Variants in ZFYVE9 observed in about 807,000 individuals in gnomAD.
ZFYVE9 encodes the protein zinc finger FYVE domain-containing protein 9.
A neutral mutation model predicts 126.7 loss-of-function variants in ZFYVE9; 43 were observed. The observed-to-expected ratio is 0.34, with a 90% CI of 0.27 to 0.44. The LOEUF is 0.44. Among genes scored for constraint, ZFYVE9 ranks in the 20% least tolerant of loss-of-function variants. The pLI, the probability that ZFYVE9 is intolerant of heterozygous loss-of-function variation, is 1.00. For synonymous variants in ZFYVE9, 521 were observed against 597.4 expected, an observed-to-expected ratio of 0.87 and a Z score of 1.87; for missense variants, 1,476 against 1,697.0, an observed-to-expected ratio of 0.87 and a Z score of 2.29.
intron 1 of ZFYVE9, among the ~76,000 whole-genome samples, chr1:52,157,839 T>G (rs1644417865): frequency 6.6e-6 from 1 of 152,186 alleles, no homozygotes; most frequent in African/African-American, 2.4e-5. Context: ...CCCCTATTGC[T>G]ATCAATGAGC....
At chr1:52,262,102 T>G (rs1645584985) in intron 4 of ZFYVE9, among the ~76,000 whole-genome samples, 1 of 152,194 alleles carries the variant, frequency 6.6e-6, no homozygotes, top group Non-Finnish European at 1.5e-5. Context: ...TGGAGCCTGG[T>G]AAGTCCAAGA....
rs74902103 is a variant in ZFYVE9, at chr1:52,318,811, C to T, written c.3439-13957C>T. Among the ~76,000 whole-genome samples, 710 of 152,134 alleles carry T rather than the reference C, an allele frequency of 4.7e-3. 3 individuals are homozygous for T. The highest frequency in any genetic ancestry group is 0.016 in the African/African-American group (671 of 41,496). On this transcript the variant is annotated intron_variant, in intron 13 of 18. Coordinates refer to ENST00000287727, the MANE Select transcript of ZFYVE9 (RefSeq NM_004799.4). ...TGAATATAGAAATTTAATAACGATA[C>T]AGTAGGCCAGGTGTGGTGGCTCACA...
chr1:52,225,408 C>T (rs779686072), intron 2 of ZFYVE9, among the ~76,000 whole-genome samples: 17 of 152,164 alleles, frequency 1.1e-4, no homozygotes, highest in African/African-American at 3.4e-4. Context: ...AAAAGAAACC[C>T]GCATTTAGAA....
intron 1 of ZFYVE9, among the ~76,000 whole-genome samples, chr1:52,210,165 A>G (rs1189081134): frequency 1.3e-5 from 2 of 152,182 alleles, no homozygotes; most frequent in East Asian, 3.8e-4. Flanking sequence ...TTATGAGACA[A>G]GTGGATGATA....
chr1:52,218,620 G>T (rs1201984233), intron 2 of ZFYVE9, among the ~76,000 whole-genome samples: 1 of 152,162 alleles, frequency 6.6e-6, no homozygotes, highest in Non-Finnish European at 1.5e-5. Flanking sequence ...TTGCACAAGC[G>T]TAACAATCTG....
Position 52,326,730 on chromosome 1 carries a change from G to A in ZFYVE9, c.3439-6038G>A, listed in dbSNP as rs1223936927. Among the ~76,000 whole-genome samples, 3 of 151,454 alleles carry A rather than the reference G, an allele frequency of 2.0e-5. 1 individual carries two copies. Among genetic ancestry groups the A allele is most frequent in the Admixed American group, 2.0e-4 (3 of 15,210 alleles). ...AAAAAAAAAATAGCTGGACATGGTGGCACATGCCTGTGCCTGTAATCCCAG... is the reference window on the plus strand; with the variant it reads ...AAAAAAAAAATAGCTGGACATGGTGACACATGCCTGTGCCTGTAATCCCAG... On this transcript the variant is annotated intron_variant, in intron 13 of 18. Transcript: ENST00000287727.
chr1:52,147,726 A>G (rs675401), intron 1 of ZFYVE9, among the ~76,000 whole-genome samples: 93 of 152,312 alleles, frequency 6.1e-4, no homozygotes, highest in African/African-American at 2.1e-3. Context: ...TTGGGTATTT[A>G]TAGGGATGGA....
chr1:52,219,446 G>A (rs1557463456), intron 2 of ZFYVE9, among the ~76,000 whole-genome samples: 1 of 152,058 alleles, frequency 6.6e-6, no homozygotes, highest in Non-Finnish European at 1.5e-5. Flanking sequence ...TGGCCGTTCA[G>A]ATTGCTGTCT....
At chr1:52,160,689 C>G in intron 1 of ZFYVE9, 1 of 509,632 alleles carries the variant, frequency 2.0e-6, no homozygotes, top group South Asian at 3.7e-5. Flanking sequence ...GCTGGGATTA[C>G]AGGCGTGAGC....
chr1:52,230,397 A>G (rs921838404), intron 2 of ZFYVE9, among the ~76,000 whole-genome samples: 3 of 151,940 alleles, frequency 2.0e-5, no homozygotes, highest in Non-Finnish European at 4.4e-5. Flanking sequence ...GGAGGTGAAC[A>G]ACACACACCA....
At chr1:52,319,233 A>G (rs1279064760) in intron 13 of ZFYVE9, among the ~76,000 whole-genome samples, 4 of 152,234 alleles carry the variant, frequency 2.6e-5, no homozygotes, top group African/African-American at 9.6e-5. Flanking sequence ...TATAATATTT[A>G]TGGATTGGTA....
chr1:52,274,982 A>G (rs1354563195), intron 8 of ZFYVE9, among the ~76,000 whole-genome samples: 3 of 152,338 alleles, frequency 2.0e-5, no homozygotes, highest in Non-Finnish European at 4.4e-5. Context: ...TGTGAAGAGC[A>G]CTGAATTTAA....
intron 4 of ZFYVE9, among the ~76,000 whole-genome samples, chr1:52,250,787 G>A (rs912325583): frequency 2.0e-5 from 3 of 150,932 alleles, no homozygotes; most frequent in East Asian, 3.9e-4. Flanking sequence ...TCAGCTCACC[G>A]CATCCTCAAC....
chr1:52,168,927 A>G (rs1389124226), intron 1 of ZFYVE9, among the ~76,000 whole-genome samples: 1 of 152,072 alleles, frequency 6.6e-6, no homozygotes, highest in Non-Finnish European at 1.5e-5. Context: ...GGCCGACCCT[A>G]ATCTGACCCC....
chr1:52,289,793 A>C (rs1160753424), intron 10 of ZFYVE9, among the ~76,000 whole-genome samples: 2 of 152,230 alleles, frequency 1.3e-5, no homozygotes, highest in East Asian at 1.9e-4. Flanking sequence ...TAAAGTGATT[A>C]ATATTTAAAG....
chr1:52,168,894 T>C (rs1266430139), intron 1 of ZFYVE9, among the ~76,000 whole-genome samples: 1 of 152,126 alleles, frequency 6.6e-6, no homozygotes, highest in Non-Finnish European at 1.5e-5. Context: ...TGTATTGATT[T>C]TTGCTGGAAA....
intron 13 of ZFYVE9, among the ~76,000 whole-genome samples, chr1:52,328,386 T>C (rs141920673): frequency 1.3e-5 from 2 of 152,322 alleles, no homozygotes; most frequent in East Asian, 3.9e-4. Context: ...TTTATATCAT[T>C]ATATGACTAG....
intron 4 of ZFYVE9, chr1:52,252,305 T>TTTG (rs368993801): frequency 7.1e-4 from 111 of 156,058 alleles, no homozygotes; most frequent in Middle Eastern, 6.5e-3. Context: ...AAAAATTTGT[T>TTTG]TTGTTGTTGT....
chr1:52,159,513 A>G (rs1049197107), intron 1 of ZFYVE9, among the ~76,000 whole-genome samples: 38 of 152,330 alleles, frequency 2.5e-4, no homozygotes, highest in African/African-American at 7.2e-4. Context: ...GAAGACTTGA[A>G]CAAAAATTGT....
Sources: allele counts gnomAD v4.1 joint callset (sites outside exome capture counted in the v4.1 genomes callset), GRCh38; gene constraint gnomAD v4.1.1; transcripts MANE v1.5; gene names NCBI Gene and HGNC (gene_info 2026-07-23, HGNC 2026-07-21).